The following PDP2 variants were observed in gnomAD, a reference collection of about 807,000 sequenced individuals.
PDP2 encodes the protein pyruvate dehydrogenase phosphatase catalytic subunit 2.
In PDP2, 23 loss-of-function variants were observed where a neutral mutation model predicts 34.2. The ratio of observed to expected loss-of-function variants is 0.67; its 90% CI spans 0.48 to 0.95. The LOEUF (loss-of-function observed/expected upper bound fraction) is 0.95. Ranked by LOEUF, PDP2 falls within the 40% of genes least tolerant of loss-of-function variation. PDP2 has a pLI of 0.00. For synonymous variants in PDP2, 275 were observed against 269.2 expected, an observed-to-expected ratio of 1.02 and a Z score of -0.21; for missense variants, 571 against 659.6, an observed-to-expected ratio of 0.87 and a Z score of 1.47.
rs1323846842 is a variant in PDP2, at chr16:66,885,338, C to T, written c.1054C>T (p.Gln352Ter). 15 of 1,613,950 alleles carry T rather than the reference C, an allele frequency of 9.3e-6. No individual in the cohort carries two copies. The highest frequency in any genetic ancestry group is 1.3e-5 in the Non-Finnish European group (15 of 1,180,004). The change falls in exon 2 of 2, where the codon CAG becomes TAG. Residue 352 changes from glutamine (Q) to a stop codon, truncating the protein, a stop_gained. Coordinates refer to ENST00000311765, the MANE Select transcript of PDP2 (RefSeq NM_020786.4). LOFTEE classifies it high-confidence loss of function. This position sits in a 1 kb window ranked among gnomAD's most constrained non-coding sequence, Gnocchi z 4.6. ...CCCCTGCAGGGCCTTTGGGGATGTTCAGCTGAAGTGGAGTAAAGAGTTGCA... is the reference window on the plus strand; with the variant it reads ...CCCCTGCAGGGCCTTTGGGGATGTTTAGCTGAAGTGGAGTAAAGAGTTGCA... The part of the protein sequence containing the change: ...LIPCRAFGDV[Q>*]LKWSKELQRS...
In PDP2 at chr16:66,888,593, T is replaced by G. The variant is rs1296304344; in HGVS notation, c.*2719T>G. 6.6e-6 allele frequency: 1 copy of G among 152,250 alleles called. No individual in the cohort carries two copies. Among genetic ancestry groups the G allele is most frequent in the Admixed American group, 6.5e-5 (1 of 15,280 alleles). 9.4% of individuals were successfully genotyped at this position (152,250 alleles called of 1,614,324 possible). ...TTTTAGCCTCCCAAGTAGCTGGGTC[T>G]ACAGGCATGAACCATCAGGCCCAGA... is the stretch of plus-strand genomic sequence containing the variant. On this transcript the variant is annotated 3_prime_UTR_variant, in exon 2 of 2. Coordinates refer to ENST00000311765, the MANE Select transcript of PDP2 (RefSeq NM_020786.4).
intron 1 of PDP2, among the ~76,000 whole-genome samples, chr16:66,882,136 T>G (rs1023595593): frequency 2.0e-5 from 3 of 152,176 alleles, no homozygotes; most frequent in Non-Finnish European, 4.4e-5. Flanking sequence ...AGATTCAAAG[T>G]TGGGGTTACA....
Position 66,884,552 on chromosome 16 carries a change from G to A in PDP2, c.268G>A (p.Glu90Lys). Residue 90 changes from glutamate (E) to lysine (K), a missense_variant, in exon 2 of 2, where the codon GAG (glutamate) becomes AAG (lysine). Transcript: ENST00000311765. ...GATAAATGAAGTGCTTCGAGCTGGC[G>A]AGACAACCCACAAGATTCTTGACCT... ...EQINEVLRAG[E>K]TTHKILDLES... is the part of the protein sequence containing the mutation. The A allele has an allele frequency of 1.2e-6, 2 of 1,614,170 alleles. No homozygotes were observed. Among genetic ancestry groups the A allele is most frequent in the Non-Finnish European group, 1.7e-6 (2 of 1,180,042 alleles).
At chr16:66,882,225 G>A (rs1961551588) in intron 1 of PDP2, among the ~76,000 whole-genome samples, 1 of 152,172 alleles carries the variant, frequency 6.6e-6, no homozygotes, top group Admixed American at 6.5e-5. Context: ...GGCCAAGGGC[G>A]GAAGATCGCT....
rs1221789986 is a variant in PDP2 at position 66,885,243 on chromosome 16, TA to T, written c.962del (p.Lys321ArgfsTer33). 4 of 1,614,050 alleles carry T rather than the reference TA, an allele frequency of 2.5e-6. No homozygotes were observed. In the South Asian group the frequency reaches 3.3e-5, roughly 13 times the overall value. On this transcript the variant is annotated frameshift_variant, in exon 2 of 2. Transcript: ENST00000311765. LOFTEE classifies it high-confidence loss of function. The surrounding 1 kb of genome is among the most constrained non-coding windows in gnomAD (Gnocchi z 4.6). ...TGGAACCAGGCCGAGCTGTCCCGGCTAAAGAGGGAGCACCCTGAGTCAGAGG... is the reference window on the plus strand; with the variant it reads ...TGGAACCAGGCCGAGCTGTCCCGGCTAAGAGGGAGCACCCTGAGTCAGAGG... ...NAWNQAELSR[L>X]KREHPESEDR...
Position 66,885,196 on chromosome 16 carries a change from C to T in PDP2, c.912C>T (p.Pro304=). The T allele has an allele frequency of 6.2e-7, 1 of 1,614,026 alleles. No homozygotes were observed. Among genetic ancestry groups the T allele is most frequent in the Non-Finnish European group, 8.5e-7 (1 of 1,180,038 alleles). Reference sequence around the variant, plus strand: ...ACAATGGCATGTGGTCTTGTCTGCCCCTTACACGTGACCACAATGCCTGGA... The same window carrying T: ...ACAATGGCATGTGGTCTTGTCTGCCTCTTACACGTGACCACAATGCCTGGA... ...QEDNGMWSCL[P]LTRDHNAWNQ... is the part of the protein sequence containing the mutation. Residue 304 remains proline (P), a synonymous_variant, in exon 2 of 2, where the codon CCC becomes CCT. Coordinates refer to ENST00000311765, the MANE Select transcript of PDP2 (RefSeq NM_020786.4). The surrounding 1 kb of genome is among the most constrained non-coding windows in gnomAD (Gnocchi z 4.6).
At chr16:66,882,057 A>C (rs1165697246) in intron 1 of PDP2, among the ~76,000 whole-genome samples, 2 of 152,216 alleles carry the variant, frequency 1.3e-5, no homozygotes, top group Non-Finnish European at 2.9e-5. Flanking sequence ...AGAATAGTTA[A>C]GTAAGTTGTG....
rs746219886 is a variant in PDP2, at chr16:66,884,665, C to T, written c.381C>T (p.Ala127=). 1 of 1,614,122 alleles carries T rather than the reference C, an allele frequency of 6.2e-7. No individual in the cohort carries two copies. The highest frequency in any genetic ancestry group is 1.1e-5 in the South Asian group (1 of 91,092). The change falls in exon 2 of 2, where the codon GCC becomes GCT. Residue 127 remains alanine, a synonymous_variant. Transcript: ENST00000311765. Reference sequence around the variant, plus strand: ...CAGTGGAGGACCGGCGAGGTGTAGCCTCCTGCCTGCAAACCAATGGACTGA... The same window carrying T: ...CAGTGGAGGACCGGCGAGGTGTAGCTTCCTGCCTGCAAACCAATGGACTGA... ...NSPVEDRRGV[A]SCLQTNGLMF...
intron 1 of PDP2, among the ~76,000 whole-genome samples, chr16:66,881,370 A>G (rs761187924): frequency 8.0e-5 from 12 of 150,846 alleles, no homozygotes; most frequent in Non-Finnish European, 1.6e-4. Flanking sequence ...TCCCGAGGGC[A>G]GGATTCATAC....
In PDP2 at chr16:66,884,442, C is replaced by T. The variant is rs749197908; in HGVS notation, c.158C>T (p.Pro53Leu). The change falls in exon 2 of 2, where the codon CCA becomes CTA. Residue 53 changes from proline (P) to leucine (L), a missense_variant. Physicochemically the swap from Pro to Leu is moderately conservative, Grantham distance 98 (BLOSUM62 -3). Transcript: ENST00000311765. ...GTGCCACCCACCCTAAACAGTTCCC[C>T]ATGTGGTGGCTTTACTCTGTGCAAA... Reference protein sequence around the residue: ...SRVPPTLNSSPCGGFTLCKAY... With the variant: ...SRVPPTLNSSLCGGFTLCKAY... 2 of 1,614,162 alleles carry T rather than the reference C, an allele frequency of 1.2e-6. No homozygotes were observed.
intron 1 of PDP2, among the ~76,000 whole-genome samples, chr16:66,882,076 T>C (rs1190092991): frequency 3.9e-5 from 6 of 152,236 alleles, no homozygotes; most frequent in African/African-American, 1.4e-4. Flanking sequence ...TGATTATTTA[T>C]GTCAAAATGT....
At position 66,887,396 on chromosome 16, in the gene PDP2, T is replaced by C. The variant is rs1961807196; in HGVS notation, c.*1522T>C. ...CCTCTACTACGTCAGGCAGAATTCT[T>C]CAATTAAGTTGAACTACATTTGTTG... On this transcript the variant is annotated 3_prime_UTR_variant, in exon 2 of 2. Transcript: ENST00000311765. 6.0e-6 allele frequency: 1 copy of C among 167,026 alleles called. No homozygotes were observed. The highest frequency in any genetic ancestry group is 6.5e-5 in the Admixed American group (1 of 15,294). The allele number at this position is 167,026 out of a possible 1,614,324, so 10.3% of individuals were successfully genotyped here.
chr16:66,883,527 T>G (rs1961603201), intron 1 of PDP2, among the ~76,000 whole-genome samples: 3 of 152,076 alleles, frequency 2.0e-5, no homozygotes. Flanking sequence ...CAGCCTCAAC[T>G]TACCAGGCTC....
rs1468925587 is a variant in PDP2 at position 66,888,002 on chromosome 16, CTT to C, written c.*2129_*2130del. On this transcript the variant is annotated 3_prime_UTR_variant, in exon 2 of 2. Coordinates refer to ENST00000311765, the MANE Select transcript of PDP2 (RefSeq NM_020786.4). The stretch of plus-strand genomic sequence containing the variant: ...TTATCTCTTAGTCCGTCCTTCCTTC[CTT>C]CCTTCCTTCCTTCCTTCCTTCCTTC... 4.5e-4 allele frequency: 37 copies of C among 82,896 alleles called. 2 individuals carry two copies. Among genetic ancestry groups the C allele is most frequent in the African/African-American group, 1.4e-4 (1 of 7,172 alleles). The allele number at this position is 82,896 out of a possible 1,614,324, so 5.1% of individuals were successfully genotyped here.
At chr16:66,884,160 C>A (rs1469728394) in intron 1 of PDP2, 71 bp from the exon 2 acceptor site, 3 of 874,204 alleles carry the variant, frequency 3.4e-6, no homozygotes, top group African/African-American at 4.4e-5. Context: ...GGCGGCAGAG[C>A]GAGACTACGT....
chr16:66,883,618 T>A (rs1232972577), intron 1 of PDP2, among the ~76,000 whole-genome samples: 1 of 151,674 alleles, frequency 6.6e-6, no homozygotes, highest in Non-Finnish European at 1.5e-5. Context: ...TTTTATTTTT[T>A]TTATTTTTTT....
At chr16:66,882,492 G>A (rs1482023421) in intron 1 of PDP2, among the ~76,000 whole-genome samples, 1 of 150,180 alleles carries the variant, frequency 6.7e-6, no homozygotes, top group Non-Finnish European at 1.5e-5. Context: ...GACTTAGAGG[G>A]GTATATACCT....
rs1054766739 is a variant in PDP2, at chr16:66,886,614, C to T, written c.*740C>T. The T allele has an allele frequency of 1.5e-4, 67 of 444,268 alleles. No individual in the cohort carries two copies. Among genetic ancestry groups the T allele is most frequent in the Non-Finnish European group, 1.7e-4 (36 of 208,686 alleles). 27.5% of individuals were successfully genotyped at this position (444,268 alleles called of 1,614,324 possible). On this transcript the variant is annotated 3_prime_UTR_variant, in exon 2 of 2. Coordinates refer to ENST00000311765, the MANE Select transcript of PDP2 (RefSeq NM_020786.4). ...CAGCTTTTTGTGCCCTCTACTGAGT[C>T]CCATTCCAGAAACTTTGAGCCATGC...
chr16:66,885,827 G>T lies in PDP2; in HGVS notation c.1543G>T (p.Val515Leu), dbSNP rs370083121. ...MYRDDITVTV[V>L]YFNSESIGAY... is the part of the protein sequence containing the mutation. ...CAGGGATGATATCACTGTCACTGTG[G>T]TGTATTTTAACTCAGAATCAATCGG... Residue 515 changes from valine to leucine, a missense_variant, in exon 2 of 2, where the codon GTG becomes TTG. This residue lies in a region of PDP2 where 281 missense variants were observed against 375.8 expected (regional missense o/e 0.75). Transcript: ENST00000311765. The surrounding 1 kb of genome is among the most constrained non-coding windows in gnomAD (Gnocchi z 4.6). 1.2e-6 allele frequency: 2 copies of T among 1,612,776 alleles called. No individual in the cohort carries two copies. The highest frequency in any genetic ancestry group is 2.2e-5 in the South Asian group (2 of 91,068).
Sources: gnomAD v4.1 joint callset for allele counts (sites outside exome capture counted in the v4.1 genomes callset) on GRCh38, gnomAD v4.1.1 for gene constraint, gnomAD v4.1.1 regional missense constraint, Gnocchi (gnomAD v3.1) non-coding constraint, MANE v1.5 for transcripts, NCBI Gene and HGNC (gene_info 2026-07-23, HGNC 2026-07-21) for gene names.